The following HGSNAT variants were observed in gnomAD, a reference collection of about 807,000 sequenced individuals.
HGSNAT encodes heparan-alpha-glucosaminide N-acetyltransferase.
A neutral mutation model predicts 85.2 loss-of-function variants in HGSNAT; 59 were observed. The observed-to-expected ratio is 0.69, with a 90% CI of 0.56 to 0.86. HGSNAT has a LOEUF of 0.86. HGSNAT is among the 40% of genes least tolerant of loss of function. The pLI, the probability that HGSNAT is intolerant of heterozygous loss-of-function variation, is 0.00. For synonymous variants in HGSNAT, 321 were observed against 304.5 expected, an observed-to-expected ratio of 1.05 and a Z score of -0.56; for missense variants, 756 against 777.1, an observed-to-expected ratio of 0.97 and a Z score of 0.32.
chr8:43,189,529 C>A (rs1194287879), intron 11 of HGSNAT, among the ~76,000 whole-genome samples: 1 of 152,204 alleles, frequency 6.6e-6, no homozygotes, highest in African/African-American at 2.4e-5. Flanking sequence ...CAGGTACCAT[C>A]TGTCATGGCT....
chr8:43,161,393 T>G, intron 4 of HGSNAT, 45 bp from the exon 5 acceptor site: 2 of 1,470,738 alleles, frequency 1.4e-6, no homozygotes, highest in Non-Finnish European at 1.9e-6. Context: ...TTGATGTTCA[T>G]GATGACATTT....
At chr8:43,143,900 G>A (rs1172997449) in intron 1 of HGSNAT, among the ~76,000 whole-genome samples, 1 of 151,904 alleles carries the variant, frequency 6.6e-6, no homozygotes, top group Non-Finnish European at 1.5e-5. Context: ...TGGTAAGTGT[G>A]GTTCTTTGTA....
At chr8:43,182,928 T>C (rs374059526) in intron 11 of HGSNAT, among the ~76,000 whole-genome samples, 15 of 152,244 alleles carry the variant, frequency 9.9e-5, no homozygotes, top group African/African-American at 3.4e-4. Context: ...AGATCTATCC[T>C]CTTAACAAAT....
intron 15 of HGSNAT, chr8:43,197,387 T>C (rs1804760507): frequency 1.9e-6 from 1 of 539,690 alleles, no homozygotes; most frequent in East Asian, 3.1e-5. Flanking sequence ...GTTGACTGTT[T>C]GTTCATTTCA....
intron 2 of HGSNAT, among the ~76,000 whole-genome samples, chr8:43,152,848 G>A (rs1033181386): frequency 1.3e-5 from 2 of 152,040 alleles, no homozygotes; most frequent in African/African-American, 4.8e-5. Context: ...AAATATCAGT[G>A]TTTCCCAAGT....
chr8:43,168,517 C>G (rs1368188116), intron 5 of HGSNAT, among the ~76,000 whole-genome samples: 5 of 151,248 alleles, frequency 3.3e-5, no homozygotes, highest in East Asian at 3.9e-4. Flanking sequence ...CTGCCTCAGC[C>G]TCCTGAGTAG....
chr8:43,178,048 C>T, intron 9 of HGSNAT, 26 bp from the exon 10 acceptor site: 1 of 1,605,862 alleles, frequency 6.2e-7, no homozygotes, highest in Non-Finnish European at 8.5e-7. Context: ...GAAATGGCCA[C>T]CTATTAATAA....
In HGSNAT at chr8:43,158,593, G is replaced by A. The variant is rs1185589534; in HGVS notation, c.253G>A (p.Val85Ile). The A allele has an allele frequency of 4.3e-6, 7 of 1,613,908 alleles. No individual in the cohort carries two copies. Among genetic ancestry groups the A allele is most frequent in the Non-Finnish European group, 2.5e-6 (3 of 1,179,836 alleles). Residue 85 changes from valine to isoleucine, a missense_variant, in exon 3 of 18, where the codon GTA (valine) becomes ATA (isoleucine). Val to Ile is a conservative substitution (Grantham distance 29). Coordinates refer to ENST00000379644, the MANE Select transcript of HGSNAT (RefSeq NM_152419.3). ...CCYHCLFQVL[V>I]NVPQSPKAGK... The stretch of plus-strand genomic sequence containing the variant: ...TTTACAGTGCTTGTTTCAGGTTCTG[G>A]TAAACGTTCCTCAGAGTCCAAAAGC...
chr8:43,157,302 G>C (rs11995111), intron 2 of HGSNAT, among the ~76,000 whole-genome samples: 2,505 of 152,180 alleles, frequency 0.016, 66 homozygotes, highest in African/African-American at 0.059. Flanking sequence ...TAAATATCTA[G>C]TAACTGAACA....
At chr8:43,189,299 C>T (rs971949777) in intron 11 of HGSNAT, among the ~76,000 whole-genome samples, 1 of 152,190 alleles carries the variant, frequency 6.6e-6, no homozygotes, top group African/African-American at 2.4e-5. Context: ...AAGCTCCCCA[C>T]CTGCTTTGTT....
intron 11 of HGSNAT, among the ~76,000 whole-genome samples, chr8:43,182,960 A>G (rs1804183779): frequency 6.6e-6 from 1 of 152,236 alleles, no homozygotes; most frequent in African/African-American, 2.4e-5. Context: ...CAGTAATCAC[A>G]TGCATTCTTT....
chr8:43,182,253 G>T lies in HGSNAT; in HGVS notation c.1121G>T (p.Cys374Phe). 1 of 1,612,062 alleles carries T rather than the reference G, an allele frequency of 6.2e-7. No homozygotes were observed. The highest frequency in any genetic ancestry group is 8.5e-7 in the Non-Finnish European group (1 of 1,178,162). Residue 374 changes from cysteine (C) to phenylalanine (F), a missense_variant, in exon 11 of 18, where the codon TGT becomes TTT. By Grantham distance (205) the Cys-to-Phe change is radical. Coordinates refer to ENST00000379644, the MANE Select transcript of HGSNAT (RefSeq NM_152419.3). Reference sequence around the variant, plus strand: ...TTTGCTAAACCTGTGCCTGAACATTGTGCCTCGGTGAGAAACCATGTTTTA... The same window carrying T: ...TTTGCTAAACCTGTGCCTGAACATTTTGCCTCGGTGAGAAACCATGTTTTA... Reference protein sequence around the residue: ...LLFAKPVPEHCASERSCLSLR... With the variant: ...LLFAKPVPEHFASERSCLSLR...
In HGSNAT at chr8:43,197,064, C is replaced by T. The variant is rs1400429093; in HGVS notation, c.1542+39C>T. On this transcript the variant is annotated intron_variant, in intron 15 of 17. Coordinates refer to ENST00000379644, the MANE Select transcript of HGSNAT (RefSeq NM_152419.3). ...ATTCCTCGCTAAAATTCCTTTCCTT[C>T]ACATGTATAGATATTTAAAAGGAAT... The T allele has an allele frequency of 1.3e-5, 17 of 1,325,278 alleles. No individual in the cohort carries two copies. The East Asian group carries it at 3.9e-4, about 31-fold the overall frequency. The allele number at this position is 1,325,278 out of a possible 1,614,324, so 82.1% of individuals were successfully genotyped here.
intron 9 of HGSNAT, among the ~76,000 whole-genome samples, chr8:43,174,696 A>C (rs1174250469): frequency 6.6e-6 from 1 of 152,236 alleles, no homozygotes; most frequent in East Asian, 1.9e-4. Flanking sequence ...GCAGGCATAC[A>C]ATGTGTAATA....
At chr8:43,172,539 C>T (rs1321024854) in intron 8 of HGSNAT, among the ~76,000 whole-genome samples, 153 bp downstream of exon 8, 1 of 152,208 alleles carries the variant, frequency 6.6e-6, no homozygotes, top group Non-Finnish European at 1.5e-5. Flanking sequence ...CTAGGGTGAC[C>T]TGTAGATGAT....
rs534362077 is a variant in HGSNAT, at chr8:43,194,854, G to A, written c.1464+1011G>A. Among the ~76,000 whole-genome samples the A allele has an allele frequency of 2.6e-5, 4 of 152,310 alleles. No individual in the cohort carries two copies. The East Asian group carries it at 5.8e-4, about 22-fold the overall frequency. On this transcript the variant is annotated intron_variant, in intron 14 of 17. Transcript: ENST00000379644. ...CCATGTGAGGACAGAACAAGAAGTC[G>A]CCATCTATCTGAAAACAGGCCTTCA... is the stretch of plus-strand genomic sequence containing the variant.
At chr8:43,196,859 CTT>C (rs939167289) in intron 14 of HGSNAT, 87 bp from the exon 15 acceptor site, 21 of 826,314 alleles carry the variant, frequency 2.5e-5, no homozygotes, top group South Asian at 1.7e-4. Context: ...AAGTGAATCT[CTT>C]TGTCAGGTAG....
At chr8:43,184,610 T>C (rs1223525716) in intron 11 of HGSNAT, among the ~76,000 whole-genome samples, 1 of 152,240 alleles carries the variant, frequency 6.6e-6, no homozygotes, top group Non-Finnish European at 1.5e-5. Context: ...GATGGTAGTT[T>C]CTTTTGCTGT....
intron 1 of HGSNAT, among the ~76,000 whole-genome samples, chr8:43,142,647 A>G (rs866043426): frequency 6.6e-6 from 1 of 152,188 alleles, no homozygotes; most frequent in African/African-American, 2.4e-5. Flanking sequence ...AATTAAAAAA[A>G]TCATGCTGAT....
Sources: gnomAD v4.1 joint callset for allele counts (sites outside exome capture counted in the v4.1 genomes callset) on GRCh38, gnomAD v4.1.1 for gene constraint, MANE v1.5 for transcripts, NCBI Gene and HGNC (gene_info 2026-07-23, HGNC 2026-07-21) for gene names.